Variants in GLB1 observed in about 807,000 individuals in gnomAD.
GLB1 encodes the protein beta-galactosidase.
A neutral mutation model predicts 74.0 loss-of-function variants in GLB1; 56 were observed. The ratio of observed to expected loss-of-function variants is 0.76; its 90% confidence interval spans 0.61 to 0.94. GLB1 has a LOEUF of 0.94. GLB1 is among the 40% of genes least tolerant of loss of function. GLB1 has a pLI of 0.00. For synonymous variants in GLB1, 323 were observed against 323.6 expected (o/e 1.00, Z 0.02); for missense variants, 787 against 845.5 (o/e 0.93, Z 0.86).
rs1248423385 is a variant in GLB1, at chr3:33,093,322, G to C, written c.75+3689C>G. ...AGAGGCTGGACATGCAGGGATTCCA[G>C]AAGTGCAAACCAGTTGCTGACATCT... On this transcript the variant is annotated intron_variant, in intron 1 of 15. Coordinates refer to ENST00000307363, the MANE Select transcript of GLB1 (RefSeq NM_000404.4). The surrounding 1 kb of genome is among the most constrained non-coding windows in gnomAD (Gnocchi z 6.0). 4 of 1,614,068 alleles carry C rather than the reference G, an allele frequency of 2.5e-6. No individual in the cohort carries two copies. Among genetic ancestry groups the C allele is most frequent in the Non-Finnish European group, 3.4e-6 (4 of 1,180,044 alleles).
intron 5 of GLB1, among the ~76,000 whole-genome samples, chr3:33,060,766 C>A (rs755196259): frequency 6.6e-6 from 1 of 152,212 alleles, no homozygotes. Flanking sequence ...GTCACAGGCA[C>A]GGCTGGCAGG....
chr3:33,016,968 C>T, intron 13 of GLB1, 128 bp from the exon 14 acceptor site: 1 of 1,454,792 alleles, frequency 6.9e-7, no homozygotes, highest in Non-Finnish European at 9.2e-7. Context: ...GAAAGAAATG[C>T]TTTGATAGCA....
At chr3:33,027,294 C>A (rs576392901) in intron 10 of GLB1, among the ~76,000 whole-genome samples, 1 of 152,392 alleles carries the variant, frequency 6.6e-6, no homozygotes, top group Admixed American at 6.5e-5. Context: ...CAGCAGCCAG[C>A]GTGTCTGACC....
intron 1 of GLB1, among the ~76,000 whole-genome samples, chr3:33,073,726 A>C (rs1388967811): frequency 6.6e-6 from 1 of 151,856 alleles, no homozygotes; most frequent in Non-Finnish European, 1.5e-5. Flanking sequence ...AAATCAAAGA[A>C]TAGCAGGCAC....
At chr3:33,066,457 TC>T (rs1273658817) in intron 4 of GLB1, among the ~76,000 whole-genome samples, 1 of 151,758 alleles carries the variant, frequency 6.6e-6, no homozygotes, top group Non-Finnish European at 1.5e-5. Flanking sequence ...CTCTGCAGAG[TC>T]CCCACCAGCA....
intron 10 of GLB1, among the ~76,000 whole-genome samples, chr3:33,024,947 C>CTT (rs34388197): frequency 1.4e-5 from 2 of 144,252 alleles, no homozygotes; most frequent in Non-Finnish European, 1.5e-5. Flanking sequence ...TACAAATCCT[C>CTT]TTTTTTTTTT....
chr3:33,070,449 T>C (rs1462161029), intron 2 of GLB1, among the ~76,000 whole-genome samples: 1 of 152,172 alleles, frequency 6.6e-6, no homozygotes, highest in Non-Finnish European at 1.5e-5. Flanking sequence ...TATGAATTTT[T>C]ACAGCAGCTC....
intron 3 of GLB1, 144 bp downstream of exon 3, chr3:33,068,676 T>C: frequency 1.3e-6 from 2 of 1,499,630 alleles, no homozygotes; most frequent in Middle Eastern, 2.4e-4. Context: ...CTGGGCACCT[T>C]GTCAAGGTAA....
intron 1 of GLB1, among the ~76,000 whole-genome samples, chr3:33,089,101 C>T (rs1425162297): frequency 6.6e-6 from 1 of 152,104 alleles, no homozygotes; most frequent in Non-Finnish European, 1.5e-5. Context: ...TGAAGTTGGA[C>T]CCTTATCTTA....
intron 4 of GLB1, among the ~76,000 whole-genome samples, chr3:33,067,636 G>A (rs182206903): frequency 6.6e-6 from 1 of 152,122 alleles, no homozygotes; most frequent in South Asian, 2.1e-4. Context: ...TAAGTAAATA[G>A]GAAGAGAAAG....
At chr3:33,005,852 G>A (rs897365089) in intron 15 of GLB1, among the ~76,000 whole-genome samples, 2 of 152,096 alleles carry the variant, frequency 1.3e-5, no homozygotes, top group South Asian at 2.1e-4. Context: ...TCTTTCAACC[G>A]TTTATCATAC....
intron 1 of GLB1, among the ~76,000 whole-genome samples, chr3:33,094,849 T>C (rs1465584486): frequency 1.3e-5 from 2 of 152,218 alleles, no homozygotes; most frequent in Non-Finnish European, 2.9e-5. Context: ...AGAAATACTA[T>C]TGTTTTTCAA....
At chr3:32,961,775 G>C in the GLB1 span, among the ~76,000 whole-genome samples, 1 of 152,188 alleles carries the variant, frequency 6.6e-6, no homozygotes, top group Non-Finnish European at 1.5e-5. Context: ...GTCTATCTCA[G>C]CTGAAAAGGC....
the GLB1 span, among the ~76,000 whole-genome samples, chr3:32,991,057 T>C: frequency 6.6e-6 from 1 of 152,160 alleles, no homozygotes; most frequent in Non-Finnish European, 1.5e-5. Context: ...CACCTCTTGA[T>C]CAGAAATCGT....
the GLB1 span, among the ~76,000 whole-genome samples, chr3:32,963,242 ATTAAG>A: frequency 6.6e-6 from 1 of 152,206 alleles, no homozygotes; most frequent in Non-Finnish European, 1.5e-5. Context: ...TGGAAAAAAA[ATTAAG>A]CTTGATTCAT....
At chr3:33,059,626 G>T (rs761682004) in intron 5 of GLB1, among the ~76,000 whole-genome samples, 13 of 152,134 alleles carry the variant, frequency 8.5e-5, no homozygotes, top group Non-Finnish European at 1.3e-4. Flanking sequence ...GAAAACTGAT[G>T]GTCATAAGCG....
At position 33,026,300 on chromosome 3, in the gene GLB1, TG is replaced by T. The variant is rs781013427; in HGVS notation, c.1069-1976del. ...AGCCCACGTGCTGTCGCACGCTGGCTGGGTGTGCAAACGTTCAGGGTAGCAC... is the reference window on the plus strand; with the variant it reads ...AGCCCACGTGCTGTCGCACGCTGGCTGGTGTGCAAACGTTCAGGGTAGCAC... On this transcript the variant is annotated intron_variant, in intron 10 of 15. Transcript: ENST00000307363. Among the ~76,000 whole-genome samples, 76 of 152,334 alleles carry T rather than the reference TG, an allele frequency of 5.0e-4. 1 individual carries two copies. Among genetic ancestry groups the T allele is most frequent in the Non-Finnish European group, 8.8e-4 (60 of 68,022 alleles).
chr3:33,011,638 C>CAAAAAA (rs11342344), intron 15 of GLB1, among the ~76,000 whole-genome samples: 1 of 84,070 alleles, frequency 1.2e-5, no homozygotes, highest in Non-Finnish European at 2.2e-5. Context: ...GAGTCCATCT[C>CAAAAAA]AAAAAAAAAA....
At chr3:33,079,362 G>C (rs1159968148) in intron 1 of GLB1, among the ~76,000 whole-genome samples, 4 of 152,168 alleles carry the variant, frequency 2.6e-5, no homozygotes, top group Non-Finnish European at 4.4e-5. Context: ...GGAAGAAAAA[G>C]GGGCTACTAA....
Sources: gnomAD v4.1 joint callset for allele counts (sites outside exome capture counted in the v4.1 genomes callset) on GRCh38, gnomAD v4.1.1 for gene constraint, Gnocchi (gnomAD v3.1) non-coding constraint, MANE v1.5 for transcripts, NCBI Gene and HGNC (gene_info 2026-07-23, HGNC 2026-07-21) for gene names.